The following NRXN3 variants were observed in gnomAD, a reference collection of about 807,000 sequenced individuals.
NRXN3 encodes neurexin 3.
In NRXN3, 32 loss-of-function variants were observed where a neutral mutation model predicts 137.6. The observed-to-expected ratio is 0.23, with a 90% confidence interval of 0.18 to 0.31. The LOEUF (loss-of-function observed/expected upper bound fraction) is 0.31, where lower values mean the gene tolerates loss of function less well. Ranked by LOEUF, NRXN3 falls within the 10% of genes least tolerant of loss-of-function variation. The pLI is 1.00. For synonymous variants in NRXN3, 798 were observed against 784.5 expected (o/e 1.02, Z -0.29); for missense variants, 1,574 against 2,062.5 (o/e 0.76, Z 4.59).
intron 15 of NRXN3, among the ~76,000 whole-genome samples, chr14:79,126,794 G>C (rs1410857207): frequency 3.3e-5 from 5 of 152,174 alleles, no homozygotes; most frequent in African/African-American, 1.2e-4. Context: ...CCCACCAACA[G>C]TGTAAAAGTC....
chr14:79,121,550 T>C (rs1460233390), intron 15 of NRXN3, among the ~76,000 whole-genome samples: 1 of 152,256 alleles, frequency 6.6e-6, no homozygotes, highest in African/African-American at 2.4e-5. Flanking sequence ...TTATTTTTTA[T>C]TAGACAATTC....
At chr14:78,886,210 C>T (rs79920746) in intron 10 of NRXN3, among the ~76,000 whole-genome samples, 9,357 of 152,110 alleles carry the variant, frequency 0.062, 419 homozygotes, top group South Asian at 0.15. Flanking sequence ...GTGTCATATC[C>T]TTATTACTCA....
intron 15 of NRXN3, among the ~76,000 whole-genome samples, chr14:79,429,204 T>A (rs946422105): frequency 3.3e-5 from 5 of 152,186 alleles, no homozygotes; most frequent in African/African-American, 1.2e-4. Context: ...TGCCAGATGG[T>A]GTTTTTGAGA....
intron 16 of NRXN3, among the ~76,000 whole-genome samples, chr14:79,524,649 A>G (rs992116265): frequency 1.3e-5 from 2 of 152,216 alleles, no homozygotes; most frequent in Admixed American, 1.3e-4. Context: ...ATATCACTGT[A>G]GGGACCAAAG....
intron 15 of NRXN3, among the ~76,000 whole-genome samples, chr14:79,268,522 CAT>C (rs149985010): frequency 8.0e-4 from 122 of 152,288 alleles, no homozygotes; most frequent in African/African-American, 2.8e-3. Flanking sequence ...CAGAAGAAAA[CAT>C]GTGGTAATGT....
At chr14:78,966,502 C>A in intron 12 of NRXN3, 96 bp downstream of exon 12, 1 of 1,280,308 alleles carries the variant, frequency 7.8e-7, no homozygotes, top group Non-Finnish European at 1.1e-6. Flanking sequence ...TATTCTACTC[C>A]CTACCCTCCA....
intron 15 of NRXN3, among the ~76,000 whole-genome samples, chr14:79,272,205 A>C (rs2079443352): frequency 7.6e-6 from 1 of 131,148 alleles, no homozygotes; most frequent in Non-Finnish European, 1.6e-5. Context: ...GGCTGGTCTA[A>C]TTTGGTTTAG....
intron 8 of NRXN3, among the ~76,000 whole-genome samples, chr14:78,778,700 TTCTTTC>T (rs2098754063): frequency 1.4e-5 from 2 of 146,888 alleles, no homozygotes; most frequent in Non-Finnish European, 3.0e-5. Flanking sequence ...CTTTCTTTCT[TTCTTTC>T]TTTCTTTCTT....
intron 4 of NRXN3, among the ~76,000 whole-genome samples, chr14:78,308,207 C>A (rs1382435666): frequency 2.0e-5 from 3 of 152,022 alleles, no homozygotes; most frequent in Non-Finnish European, 4.4e-5. Context: ...GCAGCCAATG[C>A]AGGGAGAAGA....
At chr14:79,206,716 G>A (rs2066847231) in intron 15 of NRXN3, among the ~76,000 whole-genome samples, 3 of 152,038 alleles carry the variant, frequency 2.0e-5, no homozygotes, top group Admixed American at 2.0e-4. Context: ...AGGAGTGTTT[G>A]GTGTCTCTTT....
intron 15 of NRXN3, among the ~76,000 whole-genome samples, chr14:79,184,557 T>C (rs1471598418): frequency 6.6e-6 from 1 of 152,160 alleles, no homozygotes; most frequent in East Asian, 1.9e-4. Context: ...CAGACATTCA[T>C]TTAAGGAACA....
At chr14:79,254,096 TAAG>T (rs949853602) in intron 15 of NRXN3, among the ~76,000 whole-genome samples, 4 of 152,172 alleles carry the variant, frequency 2.6e-5, no homozygotes, top group Admixed American at 6.5e-5. Context: ...CTTCTTCCTA[TAAG>T]AAGAAGAAGA....
chr14:79,585,480 A>G (rs2097757173), intron 16 of NRXN3, among the ~76,000 whole-genome samples: 1 of 152,032 alleles, frequency 6.6e-6, no homozygotes, highest in Admixed American at 6.6e-5. Flanking sequence ...AGGTCAAGAG[A>G]TTGAGACCAT....
At chr14:79,747,061 C>T (rs1186097389) in intron 19 of NRXN3, among the ~76,000 whole-genome samples, 1 of 152,012 alleles carries the variant, frequency 6.6e-6, no homozygotes, top group Non-Finnish European at 1.5e-5. Flanking sequence ...CAGTTGATGC[C>T]AAGTTCTGCT....
chr14:79,688,895 C>T (rs1414950706), intron 17 of NRXN3, among the ~76,000 whole-genome samples: 1 of 152,088 alleles, frequency 6.6e-6, no homozygotes, highest in Admixed American at 6.6e-5. Flanking sequence ...AATAAACACA[C>T]ATATATTTAA....
chr14:79,353,380 T>C (rs970000100), intron 15 of NRXN3, among the ~76,000 whole-genome samples: 1 of 152,108 alleles, frequency 6.6e-6, no homozygotes, highest in Admixed American at 6.5e-5. Flanking sequence ...GGAAGATATA[T>C]GCTGAGCTTC....
At chr14:78,795,716 T>A (rs1373764246) in intron 8 of NRXN3, among the ~76,000 whole-genome samples, 1 of 152,164 alleles carries the variant, frequency 6.6e-6, no homozygotes, top group African/African-American at 2.4e-5. Context: ...AACTCTGGAA[T>A]GGGTGGGAAA....
At chr14:79,181,167 G>A (rs2062883548) in intron 15 of NRXN3, among the ~76,000 whole-genome samples, 1 of 151,960 alleles carries the variant, frequency 6.6e-6, no homozygotes, top group Non-Finnish European at 1.5e-5. Flanking sequence ...GTCAGTGGAA[G>A]ACTGGGTCAA....
rs60239963 is a variant in NRXN3 at position 78,811,886 on chromosome 14, G to C, written c.2275+1542G>C. Reference sequence around the variant, plus strand: ...TATTTTAAGCAATGGCCTATTTTCTGTGTTTAAATATTTCTAATTAGCCAG... The same window carrying C: ...TATTTTAAGCAATGGCCTATTTTCTCTGTTTAAATATTTCTAATTAGCCAG... On this transcript the variant is annotated intron_variant, in intron 10 of 20. Coordinates refer to ENST00000335750, the MANE Select transcript of NRXN3 (RefSeq NM_001330195.2). Among the ~76,000 whole-genome samples the C allele has an allele frequency of 0.017, 2,588 of 152,184 alleles. 127 individuals carry two copies. The East Asian group carries it at 0.2, about 12-fold the overall frequency.
Sources: allele counts gnomAD v4.1 joint callset (sites outside exome capture counted in the v4.1 genomes callset), GRCh38; gene constraint gnomAD v4.1.1; transcripts MANE v1.5; gene names NCBI Gene and HGNC (gene_info 2026-07-23, HGNC 2026-07-21).